UBE2G2: variants seen among roughly 807,000 people sequenced by gnomAD.
UBE2G2 encodes ubiquitin conjugating enzyme E2 G2, also known as ubiquitin-conjugating enzyme E2 G2.
UBE2G2 carries 10 observed loss-of-function variants against 23.0 expected under a neutral mutation model. The observed-to-expected ratio is 0.43, with a 90% confidence interval of 0.27 to 0.74. UBE2G2 has a LOEUF of 0.74. Ranked by LOEUF, UBE2G2 falls within the 30% of genes least tolerant of loss-of-function variation. The pLI, the probability that UBE2G2 is intolerant of heterozygous loss-of-function variation, is 0.19. For synonymous variants in UBE2G2, 86 were observed against 81.3 expected (o/e 1.06, Z -0.31); for missense variants, 150 against 218.3 (o/e 0.69, Z 1.97).
At chr21:44,781,778 T>C (rs2082958792) in intron 3 of UBE2G2, among the ~76,000 whole-genome samples, 1 of 152,156 alleles carries the variant, frequency 6.6e-6, no homozygotes, top group Non-Finnish European at 1.5e-5. Flanking sequence ...CTCAGGTAGA[T>C]AACCAATGCT....
Position 44,783,561 on chromosome 21 carries a change from G to C in UBE2G2, c.125+4359C>G, listed in dbSNP as rs782030578. On this transcript the variant is annotated intron_variant, in intron 3 of 5. Coordinates refer to ENST00000345496, the MANE Select transcript of UBE2G2 (RefSeq NM_003343.6). ...AAAAGGAAGGAGCTGCTGATACATG[G>C]TATAACATGGATGAACTGCAAATAC... is the stretch of plus-strand genomic sequence containing the variant. Among the ~76,000 whole-genome samples, 95 of 152,208 alleles carry C rather than the reference G, an allele frequency of 6.2e-4. 2 individuals are homozygous for C. Among genetic ancestry groups the C allele is most frequent in the Admixed American group, 3.0e-3 (46 of 15,280 alleles).
At chr21:44,780,779 A>T (rs2082949951) in intron 3 of UBE2G2, among the ~76,000 whole-genome samples, 1 of 152,252 alleles carries the variant, frequency 6.6e-6, no homozygotes, top group Non-Finnish European at 1.5e-5. Context: ...CCTCAGCAAC[A>T]GTGTGGGTCA....
rs951712050 is a variant in UBE2G2 at position 44,772,019 on chromosome 21, C to T, written c.386-530G>A. ...ACCTGACCCACCCCCTAGCCAGCGG[C>T]ACTGGCAGTCACTGCAGAACTGCAG... On this transcript the variant is annotated intron_variant, in intron 5 of 5. Transcript: ENST00000345496. This position sits in a 1 kb window ranked among gnomAD's most constrained non-coding sequence, Gnocchi z 5.4. Among the ~76,000 whole-genome samples the T allele has an allele frequency of 5.3e-5, 8 of 152,226 alleles. No homozygotes were observed. The highest frequency in any genetic ancestry group is 1.7e-4 in the African/African-American group (7 of 41,454).
intron 4 of UBE2G2, chr21:44,774,546 A>G (rs2082898985): frequency 7.9e-6 from 2 of 253,050 alleles, no homozygotes; most frequent in South Asian, 7.3e-5. Flanking sequence ...AAATTCACAA[A>G]TGTGAATGGC....
Position 44,771,686 on chromosome 21 carries a change from T to A in UBE2G2, c.386-197A>T, listed in dbSNP as rs1309498494. Among the ~76,000 whole-genome samples the A allele has an allele frequency of 6.6e-6, 1 of 152,162 alleles. No individual in the cohort carries two copies. The highest frequency in any genetic ancestry group is 6.5e-5 in the Admixed American group (1 of 15,282). On this transcript the variant is annotated intron_variant, in intron 5 of 5. Coordinates refer to ENST00000345496, the MANE Select transcript of UBE2G2 (RefSeq NM_003343.6). This position sits in a 1 kb window ranked among gnomAD's most constrained non-coding sequence, Gnocchi z 4.6. ...CAGGTCTCAACGAAAGCCACTCTCATGACTCCTGCGTTCTGAGTGTCTGAA... is the reference window on the plus strand; with the variant it reads ...CAGGTCTCAACGAAAGCCACTCTCAAGACTCCTGCGTTCTGAGTGTCTGAA...
intron 1 of UBE2G2, among the ~76,000 whole-genome samples, chr21:44,794,824 C>T (rs376620299): frequency 3.3e-5 from 5 of 152,134 alleles, no homozygotes; most frequent in Non-Finnish European, 5.9e-5. Context: ...TGAGCCACTG[C>T]GCCCAGCCAA....
chr21:44,788,143 A>G (rs768888002), intron 1 of UBE2G2, 48 bp from the exon 2 acceptor site: 5 of 1,527,204 alleles, frequency 3.3e-6, no homozygotes, highest in Admixed American at 4.2e-5. Context: ...TAAATGTTAC[A>G]TTGTCATTTT....
At chr21:44,788,891 G>C (rs1195062190) in intron 1 of UBE2G2, among the ~76,000 whole-genome samples, 1 of 151,474 alleles carries the variant, frequency 6.6e-6, no homozygotes, top group African/African-American at 2.4e-5. Flanking sequence ...ATAAATATAA[G>C]GTATAAGGAC....
intron 1 of UBE2G2, among the ~76,000 whole-genome samples, chr21:44,797,629 G>A (rs1397123937): frequency 6.8e-6 from 1 of 147,592 alleles, no homozygotes; most frequent in Non-Finnish European, 1.5e-5. Flanking sequence ...GCAGGAGAAT[G>A]GCATGAACCC....
chr21:44,771,776 C>T lies in UBE2G2; in HGVS notation c.386-287G>A, dbSNP rs1454541412. Among the ~76,000 whole-genome samples the T allele has an allele frequency of 1.3e-5, 2 of 152,200 alleles. No individual in the cohort carries two copies. Among genetic ancestry groups the T allele is most frequent in the Admixed American group, 1.3e-4 (2 of 15,288 alleles). On this transcript the variant is annotated intron_variant, in intron 5 of 5. Transcript: ENST00000345496. This position sits in a 1 kb window ranked among gnomAD's most constrained non-coding sequence, Gnocchi z 4.6. Reference sequence around the variant, plus strand: ...TGCGACAACCACCTAAGCACAGGCCCACACGGCCTCCCACAGCAGCCTCCT... The same window carrying T: ...TGCGACAACCACCTAAGCACAGGCCTACACGGCCTCCCACAGCAGCCTCCT...
intron 3 of UBE2G2, among the ~76,000 whole-genome samples, chr21:44,782,475 T>C (rs895057005): frequency 2.0e-5 from 3 of 152,168 alleles, no homozygotes; most frequent in Non-Finnish European, 4.4e-5. Flanking sequence ...GGAAATGCAA[T>C]GGCCTAGTAA....
At chr21:44,780,934 T>C (rs925157920) in intron 3 of UBE2G2, among the ~76,000 whole-genome samples, 5 of 152,262 alleles carry the variant, frequency 3.3e-5, no homozygotes, top group African/African-American at 4.8e-5. Context: ...GAGTGCCTTA[T>C]GGAGCACCCA....
chr21:44,784,059 G>A (rs576492283), intron 3 of UBE2G2, among the ~76,000 whole-genome samples: 17 of 152,270 alleles, frequency 1.1e-4, no homozygotes, highest in African/African-American at 4.1e-4. Context: ...GTGGGGCTGA[G>A]GTGGGAGGAT....
At chr21:44,773,822 G>A (rs782473525) in intron 4 of UBE2G2, 135 bp from the exon 5 acceptor site, 6 of 1,247,670 alleles carry the variant, frequency 4.8e-6, no homozygotes, top group Non-Finnish European at 6.5e-6. Flanking sequence ...CTGGGGCATA[G>A]CCTGGGGCCC....
At chr21:44,798,705 T>G (rs1468479487) in intron 1 of UBE2G2, among the ~76,000 whole-genome samples, 1 of 152,202 alleles carries the variant, frequency 6.6e-6, no homozygotes, top group Non-Finnish European at 1.5e-5. Flanking sequence ...TCCCTTGCCA[T>G]TTCTACCACA....
At chr21:44,784,091 G>A (rs1275690707) in intron 3 of UBE2G2, among the ~76,000 whole-genome samples, 2 of 152,084 alleles carry the variant, frequency 1.3e-5, no homozygotes, top group Non-Finnish European at 2.9e-5. Context: ...GGGAGTTTGA[G>A]GCTGCAGTGA....
At chr21:44,783,502 T>C (rs2082972178) in intron 3 of UBE2G2, among the ~76,000 whole-genome samples, 2 of 152,206 alleles carry the variant, frequency 1.3e-5, no homozygotes, top group South Asian at 4.2e-4. Context: ...AGCCAAAAAG[T>C]AGGAAGCCCA....
chr21:44,788,169 CA>C, intron 1 of UBE2G2, 74 bp from the exon 2 acceptor site: 1 of 1,395,360 alleles, frequency 7.2e-7, no homozygotes, highest in Non-Finnish European at 9.8e-7. Context: ...AACACCTTTA[CA>C]AAATATATAA....
At chr21:44,794,563 C>G (rs112802696) in intron 1 of UBE2G2, among the ~76,000 whole-genome samples, 14,538 of 142,878 alleles carry the variant, frequency 0.1, 991 homozygotes, top group Middle Eastern at 0.23. Context: ...GAGACGGAGT[C>G]TCGCTCTGTC....
Sources: gnomAD v4.1 joint callset for allele counts (sites outside exome capture counted in the v4.1 genomes callset) on GRCh38, gnomAD v4.1.1 for gene constraint, Gnocchi (gnomAD v3.1) non-coding constraint, MANE v1.5 for transcripts, NCBI Gene and HGNC (gene_info 2026-07-23, HGNC 2026-07-21) for gene names.